GRID2: variants seen among roughly 807,000 people sequenced by gnomAD.
GRID2 encodes the protein glutamate receptor ionotropic, delta-2.
GRID2 carries 33 observed loss-of-function variants against 114.8 expected under a neutral mutation model. That is an observed-to-expected ratio of 0.29 (90% CI 0.22 to 0.38). The LOEUF is 0.38. Among genes scored for constraint, GRID2 ranks in the 10% least tolerant of loss-of-function variants. The probability of loss-of-function intolerance (pLI) is 1.00; values close to 1 mark genes in which losing one functional copy is unlikely to be tolerated. For missense variants in GRID2, 1,184 were observed against 1,257.7 expected, an observed-to-expected ratio of 0.94 and a Z score of 0.89; for synonymous variants, 505 against 449.9, an observed-to-expected ratio of 1.12 and a Z score of -1.55.
chr4:93,406,376 G>T (rs1766418999), intron 9 of GRID2, among the ~76,000 whole-genome samples: 1 of 152,274 alleles, frequency 6.6e-6, no homozygotes, highest in East Asian at 1.9e-4. Context: ...GCCTCACTGA[G>T]TTTACGAAGT....
At chr4:92,952,503 T>C (rs1434228813) in intron 2 of GRID2, among the ~76,000 whole-genome samples, 3 of 152,198 alleles carry the variant, frequency 2.0e-5, no homozygotes, top group Non-Finnish European at 2.9e-5. Flanking sequence ...ATTTTGTGCT[T>C]CTCCTCATGT....
rs557072937 is a variant in GRID2, at chr4:92,350,742, A to T, written c.88+45998A>T. 5.3e-5 allele frequency among the ~76,000 whole-genome samples: 8 copies of T among 151,974 alleles called. No individual in the cohort carries two copies. The South Asian group carries it at 1.7e-3, about 31-fold the overall frequency. ...TATACTGCAATGGTTTTTAGTATAT[A>T]CATAGAGTTGTGTAACCATTACTTA... On this transcript the variant is annotated intron_variant, in intron 1 of 15. Coordinates refer to ENST00000282020, the MANE Select transcript of GRID2 (RefSeq NM_001510.4).
chr4:92,887,493 G>A (rs956965293), intron 2 of GRID2, among the ~76,000 whole-genome samples: 1 of 152,042 alleles, frequency 6.6e-6, no homozygotes, highest in African/African-American at 2.4e-5. Flanking sequence ...TGTTCATTGT[G>A]TCACTCATTG....
chr4:93,124,591 G>A (rs1734108080), intron 4 of GRID2, among the ~76,000 whole-genome samples: 1 of 152,150 alleles, frequency 6.6e-6, no homozygotes, highest in Admixed American at 6.5e-5. Context: ...GTTAGTATGA[G>A]TCAGTCTCCC....
intron 14 of GRID2, among the ~76,000 whole-genome samples, chr4:93,676,825 G>A (rs556547638): frequency 2.0e-5 from 3 of 151,554 alleles, no homozygotes; most frequent in South Asian, 4.2e-4. Flanking sequence ...GAACAGCCCC[G>A]GTCTACAGCT....
rs116639943 is a variant in GRID2, at chr4:93,573,057, T to C, written c.2194-53212T>C. 3.2e-3 allele frequency among the ~76,000 whole-genome samples: 483 copies of C among 152,282 alleles called. 1 individual carries two copies. Among genetic ancestry groups the C allele is most frequent in the African/African-American group, 0.011 (461 of 41,552 alleles). On this transcript the variant is annotated intron_variant, in intron 13 of 15. Coordinates refer to ENST00000282020, the MANE Select transcript of GRID2 (RefSeq NM_001510.4). ...GTATATCATGTACCTAGATCAGTGC[T>C]TAGCACCTCGTGGAATACACAGGAG...
intron 2 of GRID2, among the ~76,000 whole-genome samples, chr4:92,933,233 A>C (rs1463568098): frequency 6.6e-6 from 1 of 151,116 alleles, no homozygotes; most frequent in Non-Finnish European, 1.5e-5. Flanking sequence ...ATATTCTTAA[A>C]AGTATTATTT....
intron 2 of GRID2, among the ~76,000 whole-genome samples, chr4:92,763,477 C>T (rs1738117117): frequency 6.6e-6 from 1 of 152,048 alleles, no homozygotes; most frequent in Non-Finnish European, 1.5e-5. Flanking sequence ...CAATTTAAAA[C>T]AATACACATT....
intron 8 of GRID2, among the ~76,000 whole-genome samples, chr4:93,287,083 C>T (rs909384176): frequency 2.0e-5 from 3 of 151,928 alleles, no homozygotes; most frequent in African/African-American, 7.3e-5. Flanking sequence ...AATTGTTCTC[C>T]TTCTATTTCT....
intron 1 of GRID2, among the ~76,000 whole-genome samples, chr4:92,479,656 TTA>T (rs1722487185): frequency 6.6e-6 from 1 of 152,172 alleles, no homozygotes; most frequent in Non-Finnish European, 1.5e-5. Flanking sequence ...AAGTTGCTGC[TTA>T]TTGAGGAGTA....
At chr4:93,351,695 T>A (rs1406425074) in intron 8 of GRID2, among the ~76,000 whole-genome samples, 2 of 152,066 alleles carry the variant, frequency 1.3e-5, no homozygotes, top group African/African-American at 2.4e-5. Context: ...ATTTGCATTA[T>A]TTTATTTAGT....
chr4:93,718,880 A>C (rs1203825223), intron 14 of GRID2, among the ~76,000 whole-genome samples: 2 of 152,162 alleles, frequency 1.3e-5, no homozygotes, highest in Non-Finnish European at 2.9e-5. Context: ...TCTATGAGTC[A>C]ATTTTCAGCC....
chr4:92,751,635 T>C (rs2149339148), intron 2 of GRID2, among the ~76,000 whole-genome samples: 1 of 152,360 alleles, frequency 6.6e-6, no homozygotes, highest in South Asian at 2.1e-4. Context: ...TTGTGGCTTT[T>C]TTAACACTTG....
In GRID2 at chr4:92,688,037, C is replaced by CTTTTTTTTTT. The variant is rs760605020; in HGVS notation, c.244+97771_244+97780dup. Among the ~76,000 whole-genome samples the CTTTTTTTTTT allele has an allele frequency of 4.2e-3, 186 of 44,662 alleles. 29 individuals carry two copies. Among genetic ancestry groups the CTTTTTTTTTT allele is most frequent in the Non-Finnish European group, 5.8e-3 (142 of 24,652 alleles). The allele number at this position is 44,662 out of a possible 152,430, so 29.3% of individuals were successfully genotyped here. A position where few individuals can be genotyped will look rare whatever the true frequency, so the allele number is the denominator to read the frequency against. ...GCCACATTGGTTGACCCTTCTTCTT[C>CTTTTTTTTTT]TTTTTTTTTTTTTTTTTTTTTTTTT... On this transcript the variant is annotated intron_variant, in intron 2 of 15. Coordinates refer to ENST00000282020, the MANE Select transcript of GRID2 (RefSeq NM_001510.4).
At chr4:93,769,149 G>C (rs1733915689) in intron 14 of GRID2, 61 bp from the exon 15 acceptor site, 6 of 1,565,144 alleles carry the variant, frequency 3.8e-6, no homozygotes, top group Non-Finnish European at 5.3e-6. Flanking sequence ...AAATGGATGT[G>C]TTGTGAACCA....
At chr4:93,362,333 G>A (rs1761955934) in intron 8 of GRID2, among the ~76,000 whole-genome samples, 1 of 151,940 alleles carries the variant, frequency 6.6e-6, no homozygotes, top group South Asian at 2.1e-4. Context: ...CGGGGGACGG[G>A]TTGTGGACAG....
chr4:92,934,587 C>T (rs1281341465), intron 2 of GRID2, among the ~76,000 whole-genome samples: 3 of 146,364 alleles, frequency 2.0e-5, no homozygotes, highest in African/African-American at 7.3e-5. Flanking sequence ...CAAGTCAATC[C>T]TAAGCCAAAA....
chr4:92,887,078 A>G (rs1469780078), intron 2 of GRID2, among the ~76,000 whole-genome samples: 1 of 152,218 alleles, frequency 6.6e-6, no homozygotes, highest in East Asian at 1.9e-4. Context: ...AAAAGGCCAC[A>G]TAAACCCACA....
chr4:93,171,584 A>C (rs1738823894), intron 4 of GRID2, among the ~76,000 whole-genome samples: 1 of 152,218 alleles, frequency 6.6e-6, no homozygotes, highest in Non-Finnish European at 1.5e-5. Context: ...GTCCTAAACC[A>C]GGCTTCCAAA....
Sources: gnomAD v4.1 joint callset for allele counts (sites outside exome capture counted in the v4.1 genomes callset) on GRCh38, gnomAD v4.1.1 for gene constraint, MANE v1.5 for transcripts, NCBI Gene and HGNC (gene_info 2026-07-23, HGNC 2026-07-21) for gene names.